The following PUM1 variants were observed in gnomAD, a reference collection of about 807,000 sequenced individuals.
The protein encoded by PUM1 is pumilio RNA binding family member 1.
In PUM1, 13 loss-of-function variants were observed where a neutral mutation model predicts 131.8. The observed-to-expected ratio is 0.10, with a 90% confidence interval of 0.06 to 0.16. The LOEUF (loss-of-function observed/expected upper bound fraction) is 0.16. Among genes scored for constraint, PUM1 ranks in the 10% least tolerant of loss-of-function variants. The pLI, the probability that PUM1 is intolerant of heterozygous loss-of-function variation, is 1.00. For missense variants in PUM1, 961 were observed against 1,512.4 expected, an observed-to-expected ratio of 0.64 and a Z score of 6.05; for synonymous variants, 509 against 556.5, an observed-to-expected ratio of 0.91 and a Z score of 1.20.
chr1:30,942,085 C>A lies in PUM1; in HGVS notation c.3033G>T (p.Val1011=). 6.3e-7 allele frequency: 1 copy of A among 1,590,206 alleles called. No homozygotes were observed. The highest frequency in any genetic ancestry group is 1.1e-5 in the South Asian group (1 of 90,732). ...ALSTHPYGCR[V]IQRILEHCLP... ...GACAGTGCTCCAGGATTCTCTGAAT[C>A]ACTCGGCAGCCATAAGGATGTGTGG... The change falls in exon 19 of 22, where the codon GTG becomes GTT. Residue 1011 remains valine (V), a synonymous_variant. Transcript: ENST00000426105.
chr1:31,010,315 C>A (rs985780548), intron 3 of PUM1, among the ~76,000 whole-genome samples: 1 of 152,122 alleles, frequency 6.6e-6, no homozygotes, highest in Admixed American at 6.5e-5. Flanking sequence ...GTACTCATAC[C>A]CTGAGTAATC....
rs752703767 is a variant in PUM1 at position 31,059,400 on chromosome 1, A to C, written c.167T>G (p.Leu56Arg). The C allele has an allele frequency of 6.2e-7, 1 of 1,614,184 alleles. No individual in the cohort carries two copies. Among genetic ancestry groups the C allele is most frequent in the East Asian group, 2.2e-5 (1 of 44,880 alleles). Residue 56 changes from leucine (L) to arginine (R), a missense_variant, in exon 2 of 22, where the codon CTT becomes CGT. Leu to Arg is a moderately radical substitution (Grantham distance 102, BLOSUM62 -2). This residue lies in a region of PUM1 where 654 missense variants were observed against 923.9 expected (regional missense o/e 0.71). Coordinates refer to ENST00000426105, the MANE Select transcript of PUM1 (RefSeq NM_001020658.2). ...AGGGCTGGAGTGAGTCCCAGCTGCA[A>C]GAGCCTGATTTGCAGCTGGTTGTGG... ...AQPQPAANQALAAGTHSSPVP... is the reference protein window; with the variant it reads ...AQPQPAANQARAAGTHSSPVP...
At chr1:30,977,812 G>C (rs551211070) in intron 9 of PUM1, among the ~76,000 whole-genome samples, 2 of 152,270 alleles carry the variant, frequency 1.3e-5, no homozygotes, top group African/African-American at 4.8e-5. Flanking sequence ...GACTTCTAAA[G>C]AAAGTACAGA....
At chr1:31,024,464 T>C (rs932251675) in intron 3 of PUM1, among the ~76,000 whole-genome samples, 6 of 152,250 alleles carry the variant, frequency 3.9e-5, no homozygotes, top group African/African-American at 7.2e-5. Context: ...GAGCACTTTC[T>C]AGATTTCCTT....
chr1:31,011,164 T>TACACACACACACACACACACACACACAC (rs138764103), intron 3 of PUM1, among the ~76,000 whole-genome samples: 1 of 142,976 alleles, frequency 7.0e-6, no homozygotes, highest in Non-Finnish European at 1.5e-5. Context: ...TCTCTTAAAA[T>TACACACACACACACACACACACACACAC]ACACACACAC....
chr1:30,963,803 C>T (rs1320551429), intron 14 of PUM1, among the ~76,000 whole-genome samples: 1 of 152,166 alleles, frequency 6.6e-6, no homozygotes, highest in Non-Finnish European at 1.5e-5. Flanking sequence ...ATTCATAGCA[C>T]CCCCTTCCAC....
chr1:31,065,554 G>A, intron 1 of PUM1, 62 bp downstream of exon 1: 1 of 1,529,792 alleles, frequency 6.5e-7, no homozygotes. Context: ...CAATATGAAG[G>A]GACAATCTGC....
rs1641642127 is a variant in PUM1, at chr1:30,988,214, AGT to A, written c.1158+4174_1158+4175del. Among the ~76,000 whole-genome samples, 3 of 152,360 alleles carry A rather than the reference AGT, an allele frequency of 2.0e-5. No homozygotes were observed. The South Asian group carries it at 6.2e-4, about 32-fold the overall frequency. The stretch of plus-strand genomic sequence containing the variant: ...TAAACCTTACAAGGGTTAAATTCAG[AGT>A]GATTAACAGTGACCAGACAACCAAC... On this transcript the variant is annotated intron_variant, in intron 7 of 21. Transcript: ENST00000426105.
At chr1:31,027,008 T>G (rs900035236) in intron 3 of PUM1, among the ~76,000 whole-genome samples, 1 of 151,342 alleles carries the variant, frequency 6.6e-6, no homozygotes, top group Non-Finnish European at 1.5e-5. Flanking sequence ...AATTTAACAC[T>G]GTCAACTTGT....
chr1:30,970,954 TAATAAGGAAGGA>T (rs565178323), intron 10 of PUM1, among the ~76,000 whole-genome samples: 2 of 152,328 alleles, frequency 1.3e-5, no homozygotes, highest in South Asian at 4.2e-4. Flanking sequence ...ATGAGTCTTG[TAATAAGGAAGGA>T]AAACAGTGTT....
At chr1:30,956,997 C>T (rs1250929854) in intron 14 of PUM1, among the ~76,000 whole-genome samples, 1 of 151,796 alleles carries the variant, frequency 6.6e-6, no homozygotes, top group Non-Finnish European at 1.5e-5. Context: ...AATACGCCTA[C>T]AAAAACGGTT....
chr1:30,951,398 T>C (rs1279229500), intron 16 of PUM1, among the ~76,000 whole-genome samples: 1 of 152,214 alleles, frequency 6.6e-6, no homozygotes, highest in Non-Finnish European at 1.5e-5. Context: ...TGAAAAAACT[T>C]GGGAAGGTAA....
intron 3 of PUM1, among the ~76,000 whole-genome samples, chr1:31,017,615 C>T (rs982304279): frequency 6.6e-6 from 1 of 151,606 alleles, no homozygotes; most frequent in Non-Finnish European, 1.5e-5. Flanking sequence ...TCCAGGGAAG[C>T]CAAAAGACTG....
At chr1:31,065,587 T>G in intron 1 of PUM1, 29 bp downstream of exon 1, 2 of 1,531,494 alleles carry the variant, frequency 1.3e-6, no homozygotes, top group African/African-American at 1.4e-5. Context: ...CGGAGCAGCG[T>G]TTGGGGCCGG....
At chr1:30,961,687 A>G (rs1452553343) in intron 14 of PUM1, among the ~76,000 whole-genome samples, 2 of 152,190 alleles carry the variant, frequency 1.3e-5, no homozygotes, top group African/African-American at 2.4e-5. Flanking sequence ...ATACTAACAC[A>G]TATCTGCCTC....
At chr1:31,020,726 C>G (rs1642989688) in intron 3 of PUM1, among the ~76,000 whole-genome samples, 1 of 152,158 alleles carries the variant, frequency 6.6e-6, no homozygotes, top group Non-Finnish European at 1.5e-5. Context: ...GGATCTCAAC[C>G]CTGAGTTCCC....
chr1:31,056,609 C>CTTTTCTTTTTTTTTTTTT (rs1644245029), intron 2 of PUM1, among the ~76,000 whole-genome samples: 4 of 43,690 alleles, frequency 9.2e-5, no homozygotes, highest in Non-Finnish European at 1.6e-4. Flanking sequence ...CTTTTCTTTT[C>CTTTTCTTTTTTTTTTTTT]TTTTTTTTTT....
At chr1:30,961,762 G>A (rs529889568) in intron 14 of PUM1, among the ~76,000 whole-genome samples, 87 of 152,160 alleles carry the variant, frequency 5.7e-4, no homozygotes, top group South Asian at 2.9e-3. Context: ...GCTGATGTGC[G>A]CATTCAAACA....
In PUM1 at chr1:31,028,813, C is replaced by T. The variant is rs1570306272; in HGVS notation, c.415G>A (p.Gly139Arg). 3 of 1,613,780 alleles carry T rather than the reference C, an allele frequency of 1.9e-6. No homozygotes were observed. The highest frequency in any genetic ancestry group is 1.6e-4 in the Middle Eastern group (1 of 6,062). The part of the protein sequence containing the change: ...NHDFQALALE[G>R]RAMGEQLLPG... ...TCACTTACCTCTCCCATCGCTCTTCCCTCCAGAGCAAGTGCTTGAAAATCA... is the reference window on the plus strand; with the variant it reads ...TCACTTACCTCTCCCATCGCTCTTCTCTCCAGAGCAAGTGCTTGAAAATCA... Residue 139 changes from glycine to arginine, a missense_variant, in exon 3 of 22, where the codon GGA becomes AGA. This residue lies in a region of PUM1 where 654 missense variants were observed against 923.9 expected (regional missense o/e 0.71). Transcript: ENST00000426105.
Sources: gnomAD v4.1 joint callset for allele counts (sites outside exome capture counted in the v4.1 genomes callset) on GRCh38, gnomAD v4.1.1 for gene constraint, gnomAD v4.1.1 regional missense constraint, MANE v1.5 for transcripts, NCBI Gene and HGNC (gene_info 2026-07-23, HGNC 2026-07-21) for gene names.